GPI: variants seen among roughly 807,000 people sequenced by gnomAD.
GPI encodes the protein D-hexose-6-phosphate anomerase.
In GPI, 56 loss-of-function variants were observed where a neutral mutation model predicts 75.8. That is an observed-to-expected ratio of 0.74 (90% CI 0.60 to 0.92). The LOEUF (loss-of-function observed/expected upper bound fraction) is 0.92, where lower values mean the gene tolerates loss of function less well. Ranked by LOEUF, GPI falls within the 40% of genes least tolerant of loss-of-function variation. The pLI, the probability that GPI is intolerant of heterozygous loss-of-function variation, is 0.00. For synonymous variants in GPI, 288 were observed against 285.4 expected (o/e 1.01, Z -0.09); for missense variants, 638 against 741.0 (o/e 0.86, Z 1.61).
chr19:34,366,359 C>G lies in GPI; in HGVS notation c.137C>G (p.Thr46Ser). ...TCTTTCTGCAGCTTGACCCTCAACA[C>G]CAACCATGGGCATATCCTGGTGGAT... ...RFNHFSLTLN[T>S]NHGHILVDYS... The change falls in exon 2 of 18, where the codon ACC becomes AGC. Residue 46 changes from threonine to serine, a missense_variant. Thr to Ser is a moderately conservative substitution (Grantham distance 58, BLOSUM62 1). Transcript: ENST00000356487. 2 of 1,611,606 alleles carry G rather than the reference C, an allele frequency of 1.2e-6. No individual in the cohort carries two copies. The highest frequency in any genetic ancestry group is 1.7e-6 in the Non-Finnish European group (2 of 1,177,654).
chr19:34,365,395 G>A lies in GPI; in HGVS notation c.122+7G>A, dbSNP rs1471338727. The A allele has an allele frequency of 6.4e-7, 1 of 1,571,766 alleles. No individual in the cohort carries two copies. Among genetic ancestry groups the A allele is most frequent in the Non-Finnish European group, 8.6e-7 (1 of 1,163,242 alleles). ...ACCGCTTCAACCACTTCAGGTGCGG[G>A]CGGGCCGGAGGCGGGGGCTGCCACG... is the stretch of plus-strand genomic sequence containing the variant. On this transcript the variant is annotated splice_region_variant and intron_variant, in intron 1 of 17. Coordinates refer to ENST00000356487, the MANE Select transcript of GPI (RefSeq NM_000175.5).
chr19:34,380,114 A>T (rs763561288), intron 8 of GPI, among the ~76,000 whole-genome samples: 41 of 145,646 alleles, frequency 2.8e-4, no homozygotes, highest in Non-Finnish European at 4.9e-4. Context: ...CTCCTGCCTT[A>T]GCCTCCCGAG....
At chr19:34,390,710 G>A (rs2074809849) in intron 9 of GPI, among the ~76,000 whole-genome samples, 1 of 151,074 alleles carries the variant, frequency 6.6e-6, no homozygotes, top group African/African-American at 2.4e-5. Context: ...CCTGGCACAG[G>A]TATGAGGATC....
In GPI at chr19:34,396,415, C is replaced by T; in HGVS notation, c.1177C>T (p.Gln393Ter). The T allele has an allele frequency of 6.2e-7, 1 of 1,614,212 alleles. No individual in the cohort carries two copies. The highest frequency in any genetic ancestry group is 1.1e-5 in the South Asian group (1 of 91,082). Residue 393 changes from glutamine to a stop codon, truncating the protein, a stop_gained, in exon 13 of 18, where the codon CAG (glutamine) becomes TAG (stop). Transcript: ENST00000356487. LOFTEE classifies it high-confidence loss of function. ...GACCAATGGCCAGCATGCTTTTTAC[C>T]AGCTCATCCACCAAGGTAGGCCCCT... ...PGTNGQHAFY[Q>*]LIHQGTKMIP...
chr19:34,389,130 A>G (rs1298517630), intron 9 of GPI, among the ~76,000 whole-genome samples: 1 of 152,022 alleles, frequency 6.6e-6, no homozygotes, highest in African/African-American at 2.4e-5. Flanking sequence ...CATCTGTTAG[A>G]TGAGATGTGA....
At chr19:34,372,982 T>C (rs544317618) in intron 4 of GPI, among the ~76,000 whole-genome samples, 3 of 152,084 alleles carry the variant, frequency 2.0e-5, no homozygotes, top group East Asian at 2.0e-4. Context: ...CCATGTTGGC[T>C]AGGCTGGTCT....
At chr19:34,378,678 G>A (rs1271885735) in intron 6 of GPI, among the ~76,000 whole-genome samples, 1 of 152,210 alleles carries the variant, frequency 6.6e-6, no homozygotes, top group African/African-American at 2.4e-5. Context: ...GCCTCAGGTT[G>A]ACTGCAGCCC....
At chr19:34,362,640 A>G (rs992162652), upstream of GPI, among the ~76,000 whole-genome samples, 1 of 152,214 alleles carries the variant, frequency 6.6e-6, no homozygotes, top group African/African-American at 2.4e-5. Flanking sequence ...ACTAAAGGGA[A>G]TCGTTGGTTT....
chr19:34,364,837 AGG>A, upstream of GPI: 1 of 678,610 alleles, frequency 1.5e-6, no homozygotes, highest in Middle Eastern at 3.5e-4. Flanking sequence ...GTAACGTGGA[AGG>A]TGTTCGATCT....
chr19:34,377,301 CAAAAAAAAAAAAAAAAAAA>C (rs1169701523), intron 4 of GPI, among the ~76,000 whole-genome samples, 183 bp from the exon 5 acceptor site: 3 of 15,466 alleles, frequency 1.9e-4, no homozygotes, highest in Non-Finnish European at 2.0e-4. Flanking sequence ...GGCTTCATCT[CAAAAAAAAAAAAAAAAAAA>C]AAAAAAAAAA....
chr19:34,378,826 C>T (rs2074593729), intron 6 of GPI, 108 bp from the exon 7 acceptor site: 1 of 805,670 alleles, frequency 1.2e-6, no homozygotes, highest in Non-Finnish European at 2.2e-6. Flanking sequence ...GCAAATACTG[C>T]TCCATGGGAC....
intron 12 of GPI, among the ~76,000 whole-genome samples, chr19:34,395,909 TCTTTCTTTTC>T (rs768560368): frequency 1.8e-3 from 280 of 151,820 alleles, no homozygotes; most frequent in African/African-American, 2.5e-3. Context: ...GGGTTTTTTT[TCTTTCTTTTC>T]CTTTCTTTTC....
rs2075009772 is a variant in GPI, at chr19:34,400,692, T to C, written c.*656T>C. On this transcript the variant is annotated 3_prime_UTR_variant, in exon 18 of 18. Transcript: ENST00000356487. ...TGACTGCCATCTCCTGGCAAGACGC[T>C]CAGGTAGTTCTTTTGCTTTAAAAGG... 2.5e-6 allele frequency: 1 copy of C among 402,280 alleles called. No individual in the cohort carries two copies. The allele number at this position is 402,280 out of a possible 1,614,324, so 24.9% of individuals were successfully genotyped here. A position where few individuals can be genotyped will look rare whatever the true frequency, so the allele number is the denominator to read the frequency against.
intron 4 of GPI, among the ~76,000 whole-genome samples, 167 bp from the exon 5 acceptor site, chr19:34,377,336 A>AAAAAT (rs2074558981): frequency 1.0e-4 from 5 of 49,330 alleles, no homozygotes; most frequent in South Asian, 9.7e-4. Flanking sequence ...AAAAAAAAAA[A>AAAAAT]ATATATATAT....
chr19:34,363,548 G>A (rs896995569), upstream of GPI, among the ~76,000 whole-genome samples: 8 of 152,144 alleles, frequency 5.3e-5, no homozygotes, highest in Admixed American at 2.6e-4. Flanking sequence ...GAGGCCAGGC[G>A]CAGTGGCTCA....
chr19:34,393,951 C>A lies in GPI; in HGVS notation c.947C>A (p.Ala316Asp). 6.2e-7 allele frequency: 1 copy of A among 1,613,718 alleles called. No homozygotes were observed. The highest frequency in any genetic ancestry group is 8.5e-7 in the Non-Finnish European group (1 of 1,179,906). Reference protein sequence around the residue: ...HFRTTPLEKNAPVLLALLGIW... With the variant: ...HFRTTPLEKNDPVLLALLGIW... ...CGCACGACGCCCCTGGAGAAGAACG[C>A]CCCCGTCTTGCTGGCCCTGCTGGGT... The change falls in exon 12 of 18, where the codon GCC (alanine) becomes GAC (aspartate). Residue 316 changes from alanine (A) to aspartate (D), a missense_variant. By Grantham distance (126) the Ala-to-Asp change is moderately radical (BLOSUM62 -2). Coordinates refer to ENST00000356487, the MANE Select transcript of GPI (RefSeq NM_000175.5). This position sits in a 1 kb window ranked among gnomAD's most constrained non-coding sequence, Gnocchi z 4.4.
At chr19:34,366,874 C>T in intron 3 of GPI, 23 bp downstream of exon 3, 1 of 1,503,068 alleles carries the variant, frequency 6.7e-7, no homozygotes, top group Non-Finnish European at 9.3e-7. Flanking sequence ...CACATACCCT[C>T]TGGGGCCTCC....
chr19:34,369,854 A>G (rs1457627454), intron 4 of GPI, among the ~76,000 whole-genome samples: 1 of 151,494 alleles, frequency 6.6e-6, no homozygotes, highest in East Asian at 1.9e-4. Context: ...GAGCCTGGGA[A>G]GTTGAGGCTG....
rs8191371 is a variant in GPI at position 34,377,871 on chromosome 19, T to C, written c.623T>C (p.Ile208Thr). 0.021 allele frequency: 33,204 copies of C among 1,614,108 alleles called. 420 individuals carry two copies. Among genetic ancestry groups the C allele is most frequent in the Non-Finnish European group, 0.024 (28,171 of 1,179,988 alleles). Residue 208 changes from isoleucine (I) to threonine (T), a missense_variant, in exon 6 of 18, where the codon ATT becomes ACT. Transcript: ENST00000356487. ...AACCCCGAGTCCTCCCTGTTCATCA[T>C]TGCCTCCAAGGTATGAGTGCCGAAA... ...QLNPESSLFI[I>T]ASKTFTTQET...
Sources: allele counts gnomAD v4.1 joint callset (sites outside exome capture counted in the v4.1 genomes callset), GRCh38; gene constraint gnomAD v4.1.1; non-coding constraint Gnocchi (gnomAD v3.1); transcripts MANE v1.5; gene names NCBI Gene and HGNC (gene_info 2026-07-23, HGNC 2026-07-21).